ARHGAP32: variants seen among roughly 807,000 people sequenced by gnomAD.
ARHGAP32 encodes rho GTPase-activating protein 32.
In ARHGAP32, 51 loss-of-function variants were observed where a neutral mutation model predicts 186.5. The observed-to-expected ratio is 0.27, with a 90% CI of 0.22 to 0.35. The LOEUF (loss-of-function observed/expected upper bound fraction) is 0.35, where lower values mean the gene tolerates loss of function less well. Among genes scored for constraint, ARHGAP32 ranks in the 10% least tolerant of loss-of-function variants. ARHGAP32 has a pLI of 1.00. For synonymous variants in ARHGAP32, 950 were observed against 964.3 expected, an observed-to-expected ratio of 0.99 and a Z score of 0.27; for missense variants, 2,186 against 2,623.5, an observed-to-expected ratio of 0.83 and a Z score of 3.64.
intron 11 of ARHGAP32, among the ~76,000 whole-genome samples, chr11:129,015,404 T>C (rs999074850): frequency 1.3e-5 from 2 of 152,192 alleles, no homozygotes; most frequent in Admixed American, 6.5e-5. Context: ...CAGAAATATT[T>C]AAGAGAATAA....
At chr11:129,004,681 A>C (rs925022981) in intron 11 of ARHGAP32, among the ~76,000 whole-genome samples, 1 of 152,066 alleles carries the variant, frequency 6.6e-6, no homozygotes, top group Admixed American at 6.5e-5. Flanking sequence ...ATGTAAGTAT[A>C]GCTACTCCTG....
At chr11:129,215,609 T>G (rs1025192569) in intron 1 of ARHGAP32, among the ~76,000 whole-genome samples, 2 of 152,068 alleles carry the variant, frequency 1.3e-5, no homozygotes, top group African/African-American at 4.8e-5. Context: ...TCATGACCCC[T>G]CCCTCACATC....
At chr11:128,986,798 T>G (rs977359513) in intron 13 of ARHGAP32, 130 bp from the exon 14 acceptor site, 1 of 796,124 alleles carries the variant, frequency 1.3e-6, no homozygotes, top group Non-Finnish European at 1.9e-6. Context: ...CTTCCATTAA[T>G]TATATTTCAT....
At chr11:129,178,663 GA>G (rs1266720278) in intron 1 of ARHGAP32, among the ~76,000 whole-genome samples, 1 of 152,114 alleles carries the variant, frequency 6.6e-6, no homozygotes, top group East Asian at 1.9e-4. Flanking sequence ...TCTGATCTTT[GA>G]CAAACCTGAG....
At chr11:129,192,346 G>A (rs528143320), upstream of ARHGAP32, 126 of 632,550 alleles carry the variant, frequency 2.0e-4, 3 homozygotes, top group South Asian at 2.3e-3. Flanking sequence ...TTACAGTCAG[G>A]GTACAGACAG....
At chr11:129,006,445 C>A (rs1205131290) in intron 11 of ARHGAP32, among the ~76,000 whole-genome samples, 2 of 152,174 alleles carry the variant, frequency 1.3e-5, no homozygotes, top group Non-Finnish European at 2.9e-5. Flanking sequence ...TTAGTGGACA[C>A]CCCAATTCAA....
chr11:129,253,607 A>C (rs1043052769), intron 1 of ARHGAP32, among the ~76,000 whole-genome samples: 1 of 152,180 alleles, frequency 6.6e-6, no homozygotes, highest in African/African-American at 2.4e-5. Context: ...CTTAATTGGA[A>C]TAGAAAGCCT....
chr11:129,218,766 T>G (rs1944676911), intron 1 of ARHGAP32, among the ~76,000 whole-genome samples: 1 of 152,104 alleles, frequency 6.6e-6, no homozygotes, highest in Non-Finnish European at 1.5e-5. Flanking sequence ...CTATTCAGGA[T>G]GACAATGCCT....
chr11:129,024,569 T>A (rs550646474), intron 11 of ARHGAP32, among the ~76,000 whole-genome samples: 1 of 152,360 alleles, frequency 6.6e-6, no homozygotes, highest in Admixed American at 6.5e-5. Flanking sequence ...CTAACACATT[T>A]TTTTAAGTAT....
intron 1 of ARHGAP32, among the ~76,000 whole-genome samples, chr11:129,258,868 A>G (rs1297849623): frequency 6.6e-6 from 1 of 152,074 alleles, no homozygotes; most frequent in Admixed American, 6.6e-5. Flanking sequence ...TCTTATTATA[A>G]CTACTGTACT....
Position 129,124,844 on chromosome 11 carries a change from C to G in ARHGAP32, c.276G>C (p.Thr92=), listed in dbSNP as rs76444326. 13 of 1,610,904 alleles carry G rather than the reference C, an allele frequency of 8.1e-6. No individual in the cohort carries two copies. Among genetic ancestry groups the G allele is most frequent in the Non-Finnish European group, 1.0e-5 (12 of 1,178,570 alleles). ...CCTTCATACTGGCTGTACTGCCACA[C>G]GTCTTAAGAGTAAGATCTCCAGGAA... ...PEIPGDLTLK[T]CGSTASMKVK... Residue 92 remains threonine (T), a synonymous_variant, in exon 3 of 23, where the codon ACG becomes ACC. Transcript: ENST00000682385.
At chr11:129,058,900 C>G (rs1412706275) in intron 10 of ARHGAP32, among the ~76,000 whole-genome samples, 2 of 152,170 alleles carry the variant, frequency 1.3e-5, no homozygotes, top group African/African-American at 4.8e-5. Context: ...TTTAAAAATA[C>G]CTAACAAAGG....
intron 22 of ARHGAP32, 100 bp from the exon 23 acceptor site, chr11:128,971,259 A>C: frequency 1.9e-6 from 2 of 1,035,052 alleles, no homozygotes; most frequent in Non-Finnish European, 2.8e-6. Flanking sequence ...GTTGGGTAGC[A>C]GCTTGAACTT....
upstream of ARHGAP32, among the ~76,000 whole-genome samples, chr11:129,196,296 T>C (rs1468660309): frequency 6.6e-6 from 1 of 152,178 alleles, no homozygotes; most frequent in Non-Finnish European, 1.5e-5. Context: ...TTCAACCTCT[T>C]GGTTGAATCA....
intron 6 of ARHGAP32, among the ~76,000 whole-genome samples, chr11:129,075,355 G>C (rs1295087496): frequency 6.6e-6 from 1 of 152,174 alleles, no homozygotes; most frequent in Non-Finnish European, 1.5e-5. Context: ...ACTTCAGTCA[G>C]AGCAGACTTC....
At chr11:129,203,399 A>C (rs1397358654) in intron 1 of ARHGAP32, among the ~76,000 whole-genome samples, 1 of 152,236 alleles carries the variant, frequency 6.6e-6, no homozygotes, top group Non-Finnish European at 1.5e-5. Flanking sequence ...AAAGTAACAC[A>C]TGAATAAAAC....
chr11:129,224,924 C>T (rs1006374498), intron 1 of ARHGAP32, among the ~76,000 whole-genome samples: 2 of 151,962 alleles, frequency 1.3e-5, no homozygotes, highest in Non-Finnish European at 2.9e-5. Context: ...CCAGCCTGGA[C>T]AACATAGCAA....
At chr11:128,994,322 T>A (rs942892639) in intron 12 of ARHGAP32, among the ~76,000 whole-genome samples, 8 of 150,292 alleles carry the variant, frequency 5.3e-5, no homozygotes, top group Non-Finnish European at 8.9e-5. Context: ...ACCCGGCCAC[T>A]TTTTGTATTT....
chr11:129,064,408 A>G (rs547480918), intron 8 of ARHGAP32, among the ~76,000 whole-genome samples: 95 of 152,270 alleles, frequency 6.2e-4, no homozygotes, highest in Non-Finnish European at 1.2e-3. Context: ...AGAAAACAAT[A>G]TAACTCTACA....
Sources: allele counts gnomAD v4.1 joint callset (sites outside exome capture counted in the v4.1 genomes callset), GRCh38; gene constraint gnomAD v4.1.1; transcripts MANE v1.5; gene names NCBI Gene and HGNC (gene_info 2026-07-23, HGNC 2026-07-21).